The following CHN2 variants were observed in gnomAD, a reference collection of about 807,000 sequenced individuals.
CHN2 encodes the protein chimerin 2, also known as beta-chimaerin.
Under a neutral mutation model 56.3 loss-of-function variants are expected in CHN2, and 35 were observed. That is an observed-to-expected ratio of 0.62 (90% CI 0.47 to 0.82). The LOEUF (loss-of-function observed/expected upper bound fraction) is 0.82, where lower values mean the gene tolerates loss of function less well. Ranked by LOEUF, CHN2 falls within the 40% of genes least tolerant of loss-of-function variation. CHN2 has a pLI of 0.00. For missense variants in CHN2, 491 were observed against 580.5 expected (o/e 0.85, Z 1.58); for synonymous variants, 210 against 212.8 (o/e 0.99, Z 0.12).
intron 12 of CHN2, chr7:29,509,671 T>C (rs112775290): frequency 2.9e-5 from 7 of 242,854 alleles, no homozygotes; most frequent in African/African-American, 1.1e-4. Flanking sequence ...GGTGAAACCC[T>C]GTCTCTACTA....
chr7:29,271,966 T>C (rs1008993708), intron 1 of CHN2, among the ~76,000 whole-genome samples: 3 of 152,314 alleles, frequency 2.0e-5, no homozygotes, highest in Non-Finnish European at 4.4e-5. Flanking sequence ...TAGTTCTTTA[T>C]AGGTGAAATC....
chr7:29,146,968 C>T, intron 2 of CHN2: 1 of 1,550,886 alleles, frequency 6.4e-7, no homozygotes, highest in Non-Finnish European at 8.7e-7. Flanking sequence ...GCAGTAAGCT[C>T]GCACCAAGTG....
At chr7:29,200,481 C>A (rs1355722820) in intron 1 of CHN2, among the ~76,000 whole-genome samples, 1 of 141,930 alleles carries the variant, frequency 7.0e-6, no homozygotes, top group African/African-American at 2.6e-5. Context: ...CCCTTCCCCC[C>A]CCCTTTTGTC....
intron 1 of CHN2, among the ~76,000 whole-genome samples, chr7:29,198,729 G>C (rs1319705516): frequency 6.6e-6 from 1 of 152,036 alleles, no homozygotes; most frequent in African/African-American, 2.4e-5. Context: ...AATAATCATG[G>C]GTTACATTTG....
intron 1 of CHN2, among the ~76,000 whole-genome samples, chr7:29,228,416 G>T (rs1406906408): frequency 2.6e-5 from 4 of 152,198 alleles, no homozygotes; most frequent in African/African-American, 9.6e-5. Context: ...TAGCCTAGGA[G>T]CAATAGGCTC....
At chr7:29,347,662 A>G (rs909327059) in intron 1 of CHN2, among the ~76,000 whole-genome samples, 6 of 152,228 alleles carry the variant, frequency 3.9e-5, no homozygotes, top group Admixed American at 1.3e-4. Context: ...TAAGGATTAC[A>G]GTTTTCAAGA....
At chr7:29,462,950 A>G (rs1019939589) in intron 6 of CHN2, among the ~76,000 whole-genome samples, 4 of 124,544 alleles carry the variant, frequency 3.2e-5, no homozygotes, top group African/African-American at 1.3e-4. Flanking sequence ...GTAAGTTACA[A>G]GTTTATCCGG....
chr7:29,390,053 C>CAAA (rs59954760), intron 3 of CHN2, among the ~76,000 whole-genome samples: 17,754 of 121,596 alleles, frequency 0.15, 1,805 homozygotes, highest in African/African-American at 0.25. Context: ...GACACTGTCT[C>CAAA]AAAAAAAAAA....
intron 1 of CHN2, among the ~76,000 whole-genome samples, chr7:29,233,240 G>A (rs1786860055): frequency 6.6e-6 from 1 of 152,150 alleles, no homozygotes; most frequent in Non-Finnish European, 1.5e-5. Flanking sequence ...TAACTCCTAG[G>A]CTGTTTTATG....
At chr7:29,405,207 A>ACACACACACACACACT in intron 6 of CHN2, among the ~76,000 whole-genome samples, 1 of 122,274 alleles carries the variant, frequency 8.2e-6, no homozygotes, top group African/African-American at 3.4e-5. Context: ...ACACACACAC[A>ACACACACACACACACT]CACACACACA....
chr7:29,330,776 G>A (rs970481573), intron 1 of CHN2, among the ~76,000 whole-genome samples: 1 of 152,190 alleles, frequency 6.6e-6, no homozygotes, highest in Admixed American at 6.5e-5. Flanking sequence ...CGTTGGTGGT[G>A]TTATTGCTTT....
chr7:29,407,290 T>G (rs1432390044), intron 6 of CHN2, among the ~76,000 whole-genome samples: 1 of 151,786 alleles, frequency 6.6e-6, no homozygotes, highest in African/African-American at 2.4e-5. Context: ...TGTTGAGGCC[T>G]TTTTTTTGGA....
chr7:29,507,386 T>C, intron 11 of CHN2, 21 bp downstream of exon 11: 1 of 1,576,130 alleles, frequency 6.3e-7, no homozygotes, highest in East Asian at 2.2e-5. Context: ...CAAATTAATT[T>C]TTTATTTCTA....
At chr7:29,405,609 C>T (rs1802589134) in intron 6 of CHN2, among the ~76,000 whole-genome samples, 1 of 152,114 alleles carries the variant, frequency 6.6e-6, no homozygotes, top group Non-Finnish European at 1.5e-5. Flanking sequence ...GCACCGAAGC[C>T]CTCTTTGGTT....
chr7:29,258,003 C>A (rs761068201), intron 1 of CHN2, among the ~76,000 whole-genome samples: 15 of 152,016 alleles, frequency 9.9e-5, no homozygotes, highest in Non-Finnish European at 1.8e-4. Flanking sequence ...AGGTTAGTCT[C>A]AAACACCTGG....
chr7:29,464,745 CA>C (rs1785425669), intron 6 of CHN2, among the ~76,000 whole-genome samples: 1 of 152,194 alleles, frequency 6.6e-6, no homozygotes, highest in Non-Finnish European at 1.5e-5. Flanking sequence ...TCCTCTGCTT[CA>C]TAACTCTCAA....
intron 1 of CHN2, among the ~76,000 whole-genome samples, chr7:29,308,621 G>T (rs1311222905): frequency 6.6e-6 from 1 of 152,188 alleles, no homozygotes; most frequent in African/African-American, 2.4e-5. Context: ...GGAATGCGTG[G>T]AGGATTGTGT....
At chr7:29,253,617 C>T in intron 1 of CHN2, among the ~76,000 whole-genome samples, 1 of 152,170 alleles carries the variant, frequency 6.6e-6, no homozygotes. Context: ...GATGAGCCTT[C>T]CAACTATAGG....
At chr7:29,187,364 T>A (rs1010779176) in intron 2 of CHN2, among the ~76,000 whole-genome samples, 1 of 151,826 alleles carries the variant, frequency 6.6e-6, no homozygotes, top group African/African-American at 2.4e-5. Flanking sequence ...TGTGTGTGTG[T>A]GACAAAGAGA....
Sources: allele counts gnomAD v4.1 joint callset (sites outside exome capture counted in the v4.1 genomes callset), GRCh38; gene constraint gnomAD v4.1.1; transcripts MANE v1.5; gene names NCBI Gene and HGNC (gene_info 2026-07-23, HGNC 2026-07-21).